CSMD1: variants seen among roughly 807,000 people sequenced by gnomAD.
CSMD1 encodes CUB and sushi domain-containing protein 1.
A neutral mutation model predicts 417.5 loss-of-function variants in CSMD1; 213 were observed. The ratio of observed to expected loss-of-function variants is 0.51; its 90% CI spans 0.46 to 0.57. The LOEUF (loss-of-function observed/expected upper bound fraction) is 0.57. Among genes scored for constraint, CSMD1 ranks in the 20% least tolerant of loss-of-function variants. The pLI, the probability that CSMD1 is intolerant of heterozygous loss-of-function variation, is 0.00. For missense variants in CSMD1, 6,923 were observed against 4,529.7 expected (o/e 1.53, Z -15.17); for synonymous variants, 2,862 against 1,736.8 (o/e 1.65, Z -16.11).
chr8:3,870,732 G>C (rs1408243877), intron 5 of CSMD1, among the ~76,000 whole-genome samples: 1 of 151,930 alleles, frequency 6.6e-6, no homozygotes, highest in Non-Finnish European at 1.5e-5. Flanking sequence ...CTCTGTTAAT[G>C]TCCTATGGCC....
At chr8:3,126,170 G>T (rs922168203) in intron 41 of CSMD1, among the ~76,000 whole-genome samples, 1 of 152,154 alleles carries the variant, frequency 6.6e-6, no homozygotes, top group Admixed American at 6.5e-5. Flanking sequence ...CTTCATTCAT[G>T]AAAGGAGACT....
intron 3 of CSMD1, among the ~76,000 whole-genome samples, chr8:4,065,028 A>G (rs1254669962): frequency 6.6e-6 from 1 of 152,212 alleles, no homozygotes; most frequent in Non-Finnish European, 1.5e-5. Flanking sequence ...TTTAAAAAAA[A>G]TCTGAAATGA....
intron 5 of CSMD1, among the ~76,000 whole-genome samples, chr8:3,794,789 G>T (rs534093343): frequency 6.6e-6 from 1 of 152,046 alleles, no homozygotes; most frequent in African/African-American, 2.4e-5. Flanking sequence ...CATCTCTAAA[G>T]TGACAACCAA....
At chr8:4,187,965 G>T (rs1700091) in intron 3 of CSMD1, among the ~76,000 whole-genome samples, 16,882 of 151,792 alleles carry the variant, frequency 0.11, 1,215 homozygotes, top group Middle Eastern at 0.2. Context: ...ACTACCATGG[G>T]TATTTTTAAT....
At chr8:4,030,355 G>C (rs565746432) in intron 4 of CSMD1, among the ~76,000 whole-genome samples, 2 of 152,158 alleles carry the variant, frequency 1.3e-5, no homozygotes, top group Non-Finnish European at 2.9e-5. Context: ...TGAAATCTAG[G>C]CAAAGGTTCC....
At chr8:4,388,391 A>G (rs1269288227) in intron 3 of CSMD1, among the ~76,000 whole-genome samples, 1 of 152,028 alleles carries the variant, frequency 6.6e-6, no homozygotes, top group Non-Finnish European at 1.5e-5. Context: ...GCATGAATTA[A>G]TGGCATTTGC....
intron 3 of CSMD1, among the ~76,000 whole-genome samples, chr8:4,346,683 C>A (rs996173191): frequency 6.6e-5 from 10 of 151,976 alleles, no homozygotes; most frequent in Non-Finnish European, 8.8e-5. Flanking sequence ...TAATTTGCCT[C>A]GTATGAGTGC....
chr8:3,868,833 C>T (rs1206273446), intron 5 of CSMD1, among the ~76,000 whole-genome samples: 1 of 152,172 alleles, frequency 6.6e-6, no homozygotes, highest in African/African-American at 2.4e-5. Context: ...CCAATGTGCT[C>T]ATCCAAGCCA....
At chr8:3,763,536 T>A (rs1195617284) in intron 5 of CSMD1, among the ~76,000 whole-genome samples, 2 of 152,180 alleles carry the variant, frequency 1.3e-5, no homozygotes, top group African/African-American at 4.8e-5. Flanking sequence ...AAAAATTTCT[T>A]CAGGCCCTTA....
At chr8:4,683,597 C>G (rs995448657) in intron 1 of CSMD1, among the ~76,000 whole-genome samples, 3 of 152,146 alleles carry the variant, frequency 2.0e-5, no homozygotes, top group South Asian at 2.1e-4. Context: ...GCCAGAAAAC[C>G]TTTCATCAGA....
intron 3 of CSMD1, among the ~76,000 whole-genome samples, chr8:4,384,323 C>G (rs1377453421): frequency 6.6e-6 from 1 of 152,156 alleles, no homozygotes; most frequent in Non-Finnish European, 1.5e-5. Flanking sequence ...CGAAATCTAC[C>G]TCATGGCAAC....
At chr8:3,801,916 G>T (rs1014192746) in intron 5 of CSMD1, among the ~76,000 whole-genome samples, 1 of 152,026 alleles carries the variant, frequency 6.6e-6, no homozygotes, top group African/African-American at 2.4e-5. Flanking sequence ...AATGCCTAGG[G>T]TATAGGGTGG....
intron 40 of CSMD1, among the ~76,000 whole-genome samples, chr8:3,147,816 G>C (rs1408947698): frequency 2.6e-5 from 4 of 152,210 alleles, no homozygotes; most frequent in South Asian, 2.1e-4. Context: ...TGAAAACCGA[G>C]GAGGGGAGAG....
chr8:3,411,380 G>T (rs532318905), intron 12 of CSMD1, among the ~76,000 whole-genome samples: 43 of 151,846 alleles, frequency 2.8e-4, no homozygotes, highest in African/African-American at 1.0e-3. Context: ...TATTTCCATA[G>T]GTTTTGGGGG....
chr8:3,061,785 T>C (rs1180091774), intron 49 of CSMD1, among the ~76,000 whole-genome samples: 1 of 152,232 alleles, frequency 6.6e-6, no homozygotes, highest in African/African-American at 2.4e-5. Context: ...TGAAAAGTTT[T>C]TCTAATTGCA....
At chr8:4,613,269 C>T (rs1348955815) in intron 2 of CSMD1, among the ~76,000 whole-genome samples, 3 of 152,262 alleles carry the variant, frequency 2.0e-5, no homozygotes, top group South Asian at 2.1e-4. Flanking sequence ...AGTGATGAGC[C>T]AAGGCACGCC....
rs748833659 is a variant in CSMD1, at chr8:3,623,303, C to A, written c.1010-6506G>T. On this transcript the variant is annotated intron_variant, in intron 7 of 69. Transcript: ENST00000635120. ...AGAAAATTCTTCTTCATCAAATTAC[C>A]CTGCTGTTTGAGGACATGCCATGTA... 1.1e-3 allele frequency among the ~76,000 whole-genome samples: 164 copies of A among 152,144 alleles called. 1 individual carries two copies. Among genetic ancestry groups the A allele is most frequent in the Non-Finnish European group, 1.5e-3 (101 of 68,032 alleles).
chr8:4,639,318 G>A (rs1340218777), intron 1 of CSMD1, among the ~76,000 whole-genome samples: 1 of 150,494 alleles, frequency 6.6e-6, no homozygotes, highest in Admixed American at 6.7e-5. Flanking sequence ...CCATGCCTGG[G>A]CCAATCCAAC....
intron 11 of CSMD1, among the ~76,000 whole-genome samples, chr8:3,486,578 C>G (rs868372336): frequency 1.2e-4 from 19 of 152,306 alleles, no homozygotes; most frequent in South Asian, 4.1e-4. Flanking sequence ...GATAGAACAG[C>G]CAGAACAACT....
Sources: allele counts gnomAD v4.1 joint callset (sites outside exome capture counted in the v4.1 genomes callset), GRCh38; gene constraint gnomAD v4.1.1; transcripts MANE v1.5; gene names NCBI Gene and HGNC (gene_info 2026-07-23, HGNC 2026-07-21).